LYSMD3: variants seen among roughly 807,000 people sequenced by gnomAD.
The protein encoded by LYSMD3 is LysM domain containing 3.
Under a neutral mutation model 26.1 loss-of-function variants are expected in LYSMD3, and 13 were observed. That is an observed-to-expected ratio of 0.50 (90% confidence interval 0.32 to 0.79). LYSMD3 has a LOEUF of 0.79. Ranked by LOEUF, LYSMD3 falls within the 30% of genes least tolerant of loss-of-function variation. The probability of loss-of-function intolerance (pLI) is 0.03; values close to 1 mark genes in which losing one functional copy is unlikely to be tolerated. For synonymous variants in LYSMD3, 109 were observed against 119.4 expected, an observed-to-expected ratio of 0.91 and a Z score of 0.57; for missense variants, 331 against 362.5, an observed-to-expected ratio of 0.91 and a Z score of 0.71.
Position 90,516,459 on chromosome 5 carries a change from G to C in LYSMD3, c.*2360C>G, listed in dbSNP as rs950540898. 3 of 151,958 alleles carry C rather than the reference G, an allele frequency of 2.0e-5. No individual in the cohort carries two copies. The highest frequency in any genetic ancestry group is 1.9e-4 in the East Asian group (1 of 5,190). 9.4% of individuals were successfully genotyped at this position (151,958 alleles called of 1,614,324 possible). On this transcript the variant is annotated 3_prime_UTR_variant, in exon 3 of 3. Transcript: ENST00000315948. ...ACACATGTAAAGCAACAAATTCAAA[G>C]AAGGGTGTCAACACAATTAAAATCC...
At chr5:90,526,823 A>G (rs1489655375) in intron 1 of LYSMD3, 2 of 152,238 alleles carry the variant, frequency 1.3e-5, no homozygotes, top group Non-Finnish European at 2.9e-5. Context: ...CAAATGGGCT[A>G]TATAGTCAAA....
rs551063674 is a variant in LYSMD3 at position 90,522,115 on chromosome 5, A to G, written c.256-2631T>C. 2.0e-5 allele frequency among the ~76,000 whole-genome samples: 3 copies of G among 152,144 alleles called. No homozygotes were observed. The South Asian group carries it at 6.2e-4, about 32-fold the overall frequency. ...CCTGGGGGAGGTGATTGGATCATGGAGGTAGATTTCCCCCTTGATACTGTC... is the reference window on the plus strand; with the variant it reads ...CCTGGGGGAGGTGATTGGATCATGGGGGTAGATTTCCCCCTTGATACTGTC... On this transcript the variant is annotated intron_variant, in intron 2 of 2. Coordinates refer to ENST00000315948, the MANE Select transcript of LYSMD3 (RefSeq NM_198273.2).
In LYSMD3 at chr5:90,519,590, A is replaced by G. The variant is rs1340530375; in HGVS notation, c.256-106T>C. 1.9e-5 allele frequency: 21 copies of G among 1,116,686 alleles called. No individual in the cohort carries two copies. The Middle Eastern group carries it at 7.4e-4, about 39-fold the overall frequency. 69.2% of individuals were successfully genotyped at this position (1,116,686 alleles called of 1,614,324 possible). A position where few individuals can be genotyped will look rare whatever the true frequency, so the allele number is the denominator to read the frequency against. Reference sequence around the variant, plus strand: ...TTTGGAGGAAAAAAAAAGTTGAATTATTAGTAGTATTAAGTTGCACCCAGA... The same window carrying G: ...TTTGGAGGAAAAAAAAAGTTGAATTGTTAGTAGTATTAAGTTGCACCCAGA... On this transcript the variant is annotated intron_variant, in intron 2 of 2. Coordinates refer to ENST00000315948, the MANE Select transcript of LYSMD3 (RefSeq NM_198273.2).
At position 90,516,543 on chromosome 5, in the gene LYSMD3, A is replaced by T. The variant is rs1317837314; in HGVS notation, c.*2276T>A. 2 of 152,080 alleles carry T rather than the reference A, an allele frequency of 1.3e-5. No individual in the cohort carries two copies. The highest frequency in any genetic ancestry group is 2.9e-5 in the Non-Finnish European group (2 of 67,910). 9.4% of individuals were successfully genotyped at this position (152,080 alleles called of 1,614,324 possible). A position where few individuals can be genotyped will look rare whatever the true frequency, so the allele number is the denominator to read the frequency against. On this transcript the variant is annotated 3_prime_UTR_variant, in exon 3 of 3. Transcript: ENST00000315948. The stretch of plus-strand genomic sequence containing the variant: ...TACAAGGTAATTTGCATTTGATATA[A>T]ACTTAACTTACATTAGTACTTTTTA...
At chr5:90,519,616 G>T (rs569424515) in intron 2 of LYSMD3, 132 bp from the exon 3 acceptor site, 8 of 859,074 alleles carry the variant, frequency 9.3e-6, no homozygotes, top group South Asian at 7.6e-5. Flanking sequence ...TGCACCCAGA[G>T]AAATTTTAAT....
chr5:90,521,485 T>C (rs1406164961), intron 2 of LYSMD3, among the ~76,000 whole-genome samples: 1 of 151,952 alleles, frequency 6.6e-6, no homozygotes, highest in East Asian at 1.9e-4. Flanking sequence ...GCAATGTATG[T>C]GTGGGGGGAT....
intron 2 of LYSMD3, among the ~76,000 whole-genome samples, chr5:90,522,766 A>T (rs1203689110): frequency 3.4e-5 from 5 of 146,124 alleles, no homozygotes; most frequent in Non-Finnish European, 7.5e-5. Flanking sequence ...AAAGCATTTC[A>T]TCCCAAATAG....
chr5:90,521,471 T>C lies in LYSMD3; in HGVS notation c.256-1987A>G, dbSNP rs550316750. On this transcript the variant is annotated intron_variant, in intron 2 of 2. Coordinates refer to ENST00000315948, the MANE Select transcript of LYSMD3 (RefSeq NM_198273.2). ...AAAAGAGGTCAAGCTGGAAAAACTATCTTGCAATGTATGTGTGGGGGGATT... is the reference window on the plus strand; with the variant it reads ...AAAAGAGGTCAAGCTGGAAAAACTACCTTGCAATGTATGTGTGGGGGGATT... Among the ~76,000 whole-genome samples, 5 of 152,146 alleles carry C rather than the reference T, an allele frequency of 3.3e-5. No homozygotes were observed. The South Asian group carries it at 1.0e-3, about 32-fold the overall frequency.
At chr5:90,526,388 A>C (rs1484503131) in intron 1 of LYSMD3, among the ~76,000 whole-genome samples, 1 of 152,200 alleles carries the variant, frequency 6.6e-6, no homozygotes, top group Non-Finnish European at 1.5e-5. Flanking sequence ...CTGGGAGCTG[A>C]CCTAAGTTAA....
intron 2 of LYSMD3, 39 bp downstream of exon 2, chr5:90,524,996 A>C: frequency 1.4e-6 from 2 of 1,466,990 alleles, no homozygotes; most frequent in Non-Finnish European, 1.8e-6. Flanking sequence ...GTAAACAAAT[A>C]ATTTCTTCTG....
In LYSMD3 at chr5:90,518,613, ATT is replaced by A. The variant is rs1753006121; in HGVS notation, c.*204_*205del. 4.4e-6 allele frequency: 2 copies of A among 451,812 alleles called. No homozygotes were observed. Among genetic ancestry groups the A allele is most frequent in the East Asian group, 6.5e-5 (2 of 30,948 alleles). The allele number at this position is 451,812 out of a possible 1,614,324, so 28.0% of individuals were successfully genotyped here. A position where few individuals can be genotyped will look rare whatever the true frequency, so the allele number is the denominator to read the frequency against. On this transcript the variant is annotated 3_prime_UTR_variant, in exon 3 of 3. Coordinates refer to ENST00000315948, the MANE Select transcript of LYSMD3 (RefSeq NM_198273.2). ...ATTTAAATTAATTTCTGCTTGAAAC[ATT>A]CACACACCAGATTTATGGATCAACT...
chr5:90,519,188 C>T lies in LYSMD3; in HGVS notation c.552G>A (p.Glu184=). Residue 184 remains glutamate, a synonymous_variant, in exon 3 of 3, where the codon GAG becomes GAA. Transcript: ENST00000315948. ...GTTGTGCTGTTAAGGCCGATACTACCTCATTGAGGTTCTCTCTCTTATTGT... is the reference window on the plus strand; with the variant it reads ...GTTGTGCTGTTAAGGCCGATACTACTTCATTGAGGTTCTCTCTCTTATTGT... ...CTDNKRENLN[E]VVSALTAQQM... The T allele has an allele frequency of 6.2e-7, 1 of 1,613,938 alleles. No individual in the cohort carries two copies.
chr5:90,521,075 G>A (rs1561266641), intron 2 of LYSMD3, among the ~76,000 whole-genome samples: 1 of 152,078 alleles, frequency 6.6e-6, no homozygotes, highest in African/African-American at 2.4e-5. Context: ...ATTACGAATG[G>A]CCAGGAAGGG....
At position 90,516,492 on chromosome 5, in the gene LYSMD3, TA is replaced by T. The variant is rs1752952631; in HGVS notation, c.*2326del. The T allele has an allele frequency of 6.6e-6, 1 of 152,110 alleles. No homozygotes were observed. The highest frequency in any genetic ancestry group is 2.1e-4 in the South Asian group (1 of 4,828). The allele number at this position is 152,110 out of a possible 1,614,324, so 9.4% of individuals were successfully genotyped here. A position where few individuals can be genotyped will look rare whatever the true frequency, so the allele number is the denominator to read the frequency against. On this transcript the variant is annotated 3_prime_UTR_variant, in exon 3 of 3. Coordinates refer to ENST00000315948, the MANE Select transcript of LYSMD3 (RefSeq NM_198273.2). Reference sequence around the variant, plus strand: ...TCAACACAATTAAAATCCATAATGTTAAACAATAACTGTGCTTGTTAGTTAT... The same window carrying T: ...TCAACACAATTAAAATCCATAATGTTAACAATAACTGTGCTTGTTAGTTAT...
rs78691109 is a variant in LYSMD3 at position 90,517,553 on chromosome 5, A to C, written c.*1266T>G. The C allele has an allele frequency of 1.3e-5, 2 of 152,004 alleles. No individual in the cohort carries two copies. The highest frequency in any genetic ancestry group is 4.8e-5 in the African/African-American group (2 of 41,404). The allele number at this position is 152,004 out of a possible 1,614,324, so 9.4% of individuals were successfully genotyped here. On this transcript the variant is annotated 3_prime_UTR_variant, in exon 3 of 3. Transcript: ENST00000315948. ...TTCTTACTTAGCCAGACTGTAGCCG[A>C]CTCAACAGATCTTAAAAAGAGGCAC...
chr5:90,529,392 G>T (rs1198686301), intron 1 of LYSMD3, 56 bp downstream of exon 1: 3 of 456,238 alleles, frequency 6.6e-6, no homozygotes, highest in African/African-American at 2.0e-5. Flanking sequence ...ACGCAGCTGG[G>T]GCTCAACCCC....
intron 2 of LYSMD3, among the ~76,000 whole-genome samples, chr5:90,520,812 C>T (rs1018503718): frequency 5.9e-5 from 9 of 151,464 alleles, no homozygotes; most frequent in African/African-American, 9.7e-5. Context: ...CCAGCTACTC[C>T]GGAGGCTGAG....
rs778280382 is a variant in LYSMD3, at chr5:90,517,459, A to C, written c.*1360T>G. On this transcript the variant is annotated 3_prime_UTR_variant, in exon 3 of 3. Coordinates refer to ENST00000315948, the MANE Select transcript of LYSMD3 (RefSeq NM_198273.2). ...CCACCAAATCTCATTTCTATTGAAGAATCATTCTGGTTACATTTTTAAAAC... is the reference window on the plus strand; with the variant it reads ...CCACCAAATCTCATTTCTATTGAAGCATCATTCTGGTTACATTTTTAAAAC... 19 of 152,064 alleles carry C rather than the reference A, an allele frequency of 1.2e-4. No homozygotes were observed. The highest frequency in any genetic ancestry group is 2.5e-4 in the Non-Finnish European group (17 of 67,910). The allele number at this position is 152,064 out of a possible 1,614,324, so 9.4% of individuals were successfully genotyped here. A position where few individuals can be genotyped will look rare whatever the true frequency, so the allele number is the denominator to read the frequency against.
At chr5:90,523,452 C>A (rs1364548352) in intron 2 of LYSMD3, among the ~76,000 whole-genome samples, 1 of 151,556 alleles carries the variant, frequency 6.6e-6, no homozygotes, top group Non-Finnish European at 1.5e-5. Flanking sequence ...CATGTGTGTT[C>A]CTATTGCAGA....
Sources: gnomAD v4.1 joint callset for allele counts (sites outside exome capture counted in the v4.1 genomes callset) on GRCh38, gnomAD v4.1.1 for gene constraint, MANE v1.5 for transcripts, NCBI Gene and HGNC (gene_info 2026-07-23, HGNC 2026-07-21) for gene names.